Variants in MAP3K9 observed in about 807,000 individuals in gnomAD.
The protein encoded by MAP3K9 is mitogen-activated protein kinase kinase kinase 9, also known as mixed lineage kinase 1 (tyr and ser/thr specificity).
Under a neutral mutation model 95.8 loss-of-function variants are expected in MAP3K9, and 46 were observed. That is an observed-to-expected ratio of 0.48 (90% CI 0.38 to 0.61). The LOEUF (loss-of-function observed/expected upper bound fraction) is 0.61, where lower values mean the gene tolerates loss of function less well. Ranked by LOEUF, MAP3K9 falls within the 20% of genes least tolerant of loss-of-function variation. The probability of loss-of-function intolerance (pLI) is 0.00; values close to 1 mark genes in which losing one functional copy is unlikely to be tolerated. For missense variants in MAP3K9, 1,296 were observed against 1,474.3 expected, an observed-to-expected ratio of 0.88 and a Z score of 1.98; for synonymous variants, 533 against 593.8, an observed-to-expected ratio of 0.90 and a Z score of 1.49.
chr14:70,799,404 A>G lies in MAP3K9; in HGVS notation c.820+1263T>C, dbSNP rs529060479. 2.4e-4 allele frequency among the ~76,000 whole-genome samples: 36 copies of G among 152,286 alleles called. 1 individual carries two copies. In the South Asian group the frequency reaches 7.1e-3, roughly 30 times the overall value. On this transcript the variant is annotated intron_variant, in intron 2 of 11. Coordinates refer to ENST00000554752, the MANE Select transcript of MAP3K9 (RefSeq NM_001284230.2). ...ACCCAGGCTGGAGTGCAGAGGCACAATCTCGGCTCACTGCAAGCTCCACCT... is the reference window on the plus strand; with the variant it reads ...ACCCAGGCTGGAGTGCAGAGGCACAGTCTCGGCTCACTGCAAGCTCCACCT...
At chr14:70,789,678 T>C (rs2054786039) in intron 2 of MAP3K9, among the ~76,000 whole-genome samples, 1 of 152,162 alleles carries the variant, frequency 6.6e-6, no homozygotes, top group South Asian at 2.1e-4. Flanking sequence ...CCACGGTGGT[T>C]CCCAAAACCA....
intron 2 of MAP3K9, chr14:70,783,380 T>A: frequency 7.1e-6 from 7 of 985,444 alleles, no homozygotes; most frequent in Non-Finnish European, 7.2e-6. Flanking sequence ...TACCCCTTTT[T>A]AATTCCATCC....
chr14:70,799,477 CTA>C (rs2054904688), intron 2 of MAP3K9, among the ~76,000 whole-genome samples: 2 of 152,106 alleles, frequency 1.3e-5, no homozygotes, highest in Admixed American at 1.3e-4. Context: ...GTAGCTGGGA[CTA>C]CAGGCTCCCG....
At chr14:70,764,671 G>T (rs925368987) in intron 2 of MAP3K9, among the ~76,000 whole-genome samples, 1 of 151,832 alleles carries the variant, frequency 6.6e-6, no homozygotes, top group Admixed American at 6.6e-5. Flanking sequence ...TCTCTACAAA[G>T]AAATTGAAAA....
chr14:70,753,893 C>G (rs1452320166), intron 3 of MAP3K9, among the ~76,000 whole-genome samples: 1 of 152,074 alleles, frequency 6.6e-6, no homozygotes, highest in Non-Finnish European at 1.5e-5. Context: ...TGACAAAAGG[C>G]ACAGCAACTC....
chr14:70,786,599 G>A (rs1455553197), intron 2 of MAP3K9, among the ~76,000 whole-genome samples: 1 of 152,084 alleles, frequency 6.6e-6, no homozygotes, highest in Non-Finnish European at 1.5e-5. Flanking sequence ...CCTCGAATGG[G>A]GTACAGATCC....
chr14:70,788,542 G>C (rs924794779), intron 2 of MAP3K9, among the ~76,000 whole-genome samples: 3 of 152,196 alleles, frequency 2.0e-5, no homozygotes, highest in Non-Finnish European at 1.5e-5. Flanking sequence ...ACAGAGCCAG[G>C]TAAGACTCAA....
intron 3 of MAP3K9, among the ~76,000 whole-genome samples, chr14:70,757,016 A>C (rs985927789): frequency 6.6e-6 from 1 of 152,228 alleles, no homozygotes; most frequent in Non-Finnish European, 1.5e-5. Context: ...TATTTTAAGG[A>C]AAGTTAAACT....
intron 1 of MAP3K9, among the ~76,000 whole-genome samples, chr14:70,803,335 CT>C (rs1255942651): frequency 2.4e-4 from 14 of 57,940 alleles, no homozygotes; most frequent in East Asian, 2.1e-3. Context: ...AAATTCAGAT[CT>C]TAAAAAAAAA....
Position 70,761,188 on chromosome 14 carries a change from C to A in MAP3K9, c.821-6G>T. 1.2e-6 allele frequency: 2 copies of A among 1,606,438 alleles called. No individual in the cohort carries two copies. The highest frequency in any genetic ancestry group is 2.7e-5 in the African/African-American group (2 of 74,856). On this transcript the variant is annotated splice_polypyrimidine_tract_variant and splice_region_variant and intron_variant, in intron 2 of 11. Transcript: ENST00000554752. ...CACCTTCTGGAGGATCAATACTAGG[C>A]AAGGAAAAGAATACAGAAGAAACCA...
rs373164855 is a variant in MAP3K9, at chr14:70,733,204, G to T, written c.2165C>A (p.Thr722Asn). The T allele has an allele frequency of 3.1e-6, 5 of 1,611,438 alleles. No individual in the cohort carries two copies. The highest frequency in any genetic ancestry group is 4.2e-6 in the Non-Finnish European group (5 of 1,178,106). Residue 722 changes from threonine (T) to asparagine (N), a missense_variant, in exon 11 of 12, where the codon ACC becomes AAC. Thr to Asn is a moderately conservative substitution (Grantham distance 65). Coordinates refer to ENST00000554752, the MANE Select transcript of MAP3K9 (RefSeq NM_001284230.2). ...GGTACTCGTGGCCGAGTTGACTGGG[G>T]TGGGCTCCTCATGGATTCCATCACT... ...PSSDGIHEEPTPVNSATSTPQ... is the reference protein window; with the variant it reads ...PSSDGIHEEPNPVNSATSTPQ...
intron 3 of MAP3K9, among the ~76,000 whole-genome samples, chr14:70,758,914 C>T (rs1477853710): frequency 6.6e-6 from 1 of 152,130 alleles, no homozygotes; most frequent in African/African-American, 2.4e-5. Flanking sequence ...AGGCATGCGC[C>T]ACCACGCCTA....
At chr14:70,806,075 G>A (rs4902858) in intron 1 of MAP3K9, among the ~76,000 whole-genome samples, 37,125 of 152,098 alleles carry the variant, frequency 0.24, 4,877 homozygotes, top group South Asian at 0.38. Flanking sequence ...CACAACACAT[G>A]CTCAGAGGAG....
In MAP3K9 at chr14:70,786,493, T is replaced by C. The variant is rs77348591; in HGVS notation, c.820+14174A>G. 2.5e-3 allele frequency among the ~76,000 whole-genome samples: 384 copies of C among 152,240 alleles called. 1 individual carries two copies. Among genetic ancestry groups the C allele is most frequent in the Non-Finnish European group, 4.4e-3 (301 of 68,002 alleles). On this transcript the variant is annotated intron_variant, in intron 2 of 11. Transcript: ENST00000554752. The stretch of plus-strand genomic sequence containing the variant: ...AACACTGTTATCCTTCTACATAACA[T>C]ACCAAAGACCGAGTTCATGTTAGTA...
At chr14:70,800,053 TAA>T (rs756105766) in intron 2 of MAP3K9, among the ~76,000 whole-genome samples, 5 of 152,226 alleles carry the variant, frequency 3.3e-5, no homozygotes, top group Non-Finnish European at 7.3e-5. Flanking sequence ...GGATATTTAA[TAA>T]AGAGTTACTT....
At chr14:70,787,760 G>A (rs982902924) in intron 2 of MAP3K9, among the ~76,000 whole-genome samples, 1 of 151,944 alleles carries the variant, frequency 6.6e-6, no homozygotes, top group African/African-American at 2.4e-5. Context: ...AACAAACAAA[G>A]CTCATTCAGT....
intron 4 of MAP3K9, chr14:70,749,698 T>G (rs537348267): frequency 1.6e-5 from 8 of 485,082 alleles, no homozygotes; most frequent in Admixed American, 3.5e-5. Flanking sequence ...AAGTGCCGGA[T>G]AGCAGGCTTT....
At chr14:70,795,546 A>G (rs1272829414) in intron 2 of MAP3K9, among the ~76,000 whole-genome samples, 2 of 136,484 alleles carry the variant, frequency 1.5e-5, no homozygotes, top group South Asian at 4.8e-4. Flanking sequence ...TCCTAGGCTC[A>G]AGAGATCCGC....
chr14:70,737,476 A>G (rs1167641835), intron 8 of MAP3K9, among the ~76,000 whole-genome samples: 2 of 152,210 alleles, frequency 1.3e-5, no homozygotes, highest in Non-Finnish European at 2.9e-5. Flanking sequence ...ACCCAGACTC[A>G]GGGGAGAATT....
Sources: gnomAD v4.1 joint callset for allele counts (sites outside exome capture counted in the v4.1 genomes callset) on GRCh38, gnomAD v4.1.1 for gene constraint, MANE v1.5 for transcripts, NCBI Gene and HGNC (gene_info 2026-07-23, HGNC 2026-07-21) for gene names.